CACNA2D3: variants seen among roughly 807,000 people sequenced by gnomAD.
CACNA2D3 encodes calcium voltage-gated channel auxiliary subunit alpha2delta 3.
Under a neutral mutation model 160.6 loss-of-function variants are expected in CACNA2D3, and 60 were observed. That is an observed-to-expected ratio of 0.37 (90% CI 0.30 to 0.46). The LOEUF (loss-of-function observed/expected upper bound fraction) is 0.46. Among genes scored for constraint, CACNA2D3 ranks in the 20% least tolerant of loss-of-function variants. CACNA2D3 has a pLI of 1.00. For synonymous variants in CACNA2D3, 558 were observed against 492.9 expected, an observed-to-expected ratio of 1.13 and a Z score of -1.75; for missense variants, 1,205 against 1,365.0, an observed-to-expected ratio of 0.88 and a Z score of 1.85.
chr3:54,992,410 T>G (rs1702761860), intron 31 of CACNA2D3, among the ~76,000 whole-genome samples: 1 of 152,176 alleles, frequency 6.6e-6, no homozygotes, highest in African/African-American at 2.4e-5. Context: ...GTGTGGGCAC[T>G]CAGCTTCCTT....
intron 2 of CACNA2D3, among the ~76,000 whole-genome samples, chr3:54,185,781 C>A (rs1251307217): frequency 6.6e-6 from 1 of 152,166 alleles, no homozygotes; most frequent in Non-Finnish European, 1.5e-5. Flanking sequence ...TTGGATTAGG[C>A]TTGCAGGTCA....
chr3:54,803,596 G>C (rs1703046097), intron 13 of CACNA2D3, among the ~76,000 whole-genome samples: 2 of 152,232 alleles, frequency 1.3e-5, no homozygotes, highest in South Asian at 2.1e-4. Context: ...ACCTGAAAGT[G>C]ATGTGGAGAA....
At chr3:54,576,262 G>A (rs1284646065) in intron 8 of CACNA2D3, among the ~76,000 whole-genome samples, 1 of 152,198 alleles carries the variant, frequency 6.6e-6, no homozygotes, top group African/African-American at 2.4e-5. Context: ...AGAGCCCAAA[G>A]TCAGTTGTCT....
intron 17 of CACNA2D3, among the ~76,000 whole-genome samples, chr3:54,859,976 A>G (rs200515730): frequency 0.067 from 5,093 of 76,370 alleles, 194 homozygotes; most frequent in Admixed American, 0.22. Context: ...GTAGATGCAC[A>G]CACACACACA....
At chr3:54,919,747 A>G (rs1347381799) in intron 27 of CACNA2D3, among the ~76,000 whole-genome samples, 2 of 152,230 alleles carry the variant, frequency 1.3e-5, no homozygotes, top group African/African-American at 4.8e-5. Flanking sequence ...AAAACATGCT[A>G]TTTGTATCCA....
At chr3:54,271,958 C>T (rs564004521) in intron 2 of CACNA2D3, among the ~76,000 whole-genome samples, 1 of 152,222 alleles carries the variant, frequency 6.6e-6, no homozygotes, top group Non-Finnish European at 1.5e-5. Flanking sequence ...GGCAATTCTT[C>T]AGGGAGTCGT....
At chr3:54,312,639 A>G (rs1703767139) in intron 2 of CACNA2D3, among the ~76,000 whole-genome samples, 2 of 152,196 alleles carry the variant, frequency 1.3e-5, no homozygotes, top group South Asian at 4.1e-4. Flanking sequence ...GGCAAAATAG[A>G]TGCTGCAGAA....
intron 5 of CACNA2D3, among the ~76,000 whole-genome samples, chr3:54,514,285 A>C (rs1701508227): frequency 1.3e-5 from 2 of 152,150 alleles, no homozygotes; most frequent in African/African-American, 2.4e-5. Context: ...AAATATGTCT[A>C]AGAGAAGTGA....
chr3:54,464,631 G>C (rs370902755), intron 4 of CACNA2D3, among the ~76,000 whole-genome samples: 1 of 152,206 alleles, frequency 6.6e-6, no homozygotes, highest in East Asian at 1.9e-4. Context: ...GTCGGAAAAG[G>C]GCAGTATTAG....
At chr3:54,223,900 C>G (rs530617659) in intron 2 of CACNA2D3, among the ~76,000 whole-genome samples, 1 of 151,568 alleles carries the variant, frequency 6.6e-6, no homozygotes, top group East Asian at 1.9e-4. Flanking sequence ...ATAAATTAAC[C>G]TTAGCTTACT....
intron 9 of CACNA2D3, among the ~76,000 whole-genome samples, chr3:54,611,761 T>C (rs943723698): frequency 6.6e-6 from 1 of 152,166 alleles, no homozygotes; most frequent in Non-Finnish European, 1.5e-5. Context: ...TTGAAAATTA[T>C]ATTCAGATTT....
At chr3:54,302,611 G>T (rs1171037552) in intron 2 of CACNA2D3, among the ~76,000 whole-genome samples, 1 of 152,128 alleles carries the variant, frequency 6.6e-6, no homozygotes, top group Non-Finnish European at 1.5e-5. Context: ...CCTCCTCATT[G>T]CCTGTGAATA....
At chr3:54,820,300 C>A (rs1703561415) in intron 14 of CACNA2D3, among the ~76,000 whole-genome samples, 1 of 152,146 alleles carries the variant, frequency 6.6e-6, no homozygotes, top group African/African-American at 2.4e-5. Flanking sequence ...AAAAATGTCC[C>A]ATTTGGGTGT....
intron 35 of CACNA2D3, among the ~76,000 whole-genome samples, chr3:55,057,379 T>G (rs932772100): frequency 2.0e-5 from 3 of 152,162 alleles, no homozygotes; most frequent in African/African-American, 7.2e-5. Context: ...CAGTATAAAT[T>G]GTCAGTTTAC....
At chr3:54,774,275 TAA>T (rs1229085015) in intron 13 of CACNA2D3, among the ~76,000 whole-genome samples, 3 of 152,146 alleles carry the variant, frequency 2.0e-5, no homozygotes, top group Non-Finnish European at 2.9e-5. Flanking sequence ...AAAAGAGGTT[TAA>T]TTGGCTCAGG....
intron 4 of CACNA2D3, among the ~76,000 whole-genome samples, chr3:54,456,509 ATTCT>A (rs1700399167): frequency 6.6e-6 from 1 of 151,830 alleles, no homozygotes; most frequent in Non-Finnish European, 1.5e-5. Context: ...CTGCAAACAG[ATTCT>A]TTTGAGAATT....
At chr3:54,754,657 A>T (rs1701938356) in intron 12 of CACNA2D3, among the ~76,000 whole-genome samples, 1 of 152,144 alleles carries the variant, frequency 6.6e-6, no homozygotes, top group African/African-American at 2.4e-5. Context: ...GACTCTAAGT[A>T]CTAATAAAGG....
rs568727336 is a variant in CACNA2D3 at position 54,555,154 on chromosome 3, G to A, written c.545-7646G>A. ...ACCTCCCAAAGTGTTGAGATTACAG[G>A]TGTGAGCCAGTGTGCCCAGCCAAGA... On this transcript the variant is annotated intron_variant, in intron 5 of 37. Coordinates refer to ENST00000474759, the MANE Select transcript of CACNA2D3 (RefSeq NM_018398.3). Among the ~76,000 whole-genome samples, 62 of 152,260 alleles carry A rather than the reference G, an allele frequency of 4.1e-4. No individual in the cohort carries two copies. The South Asian group carries it at 5.8e-3, about 14-fold the overall frequency.
At position 54,394,629 on chromosome 3, in the gene CACNA2D3, C is replaced by A. The variant is rs369935068; in HGVS notation, c.381+7855C>A. ...ATGATGGTTTCCATCCATGTCCCTA[C>A]AAAGGACATGAACTCATCATTTTTT... On this transcript the variant is annotated intron_variant, in intron 4 of 37. Transcript: ENST00000474759. 1.7e-5 allele frequency among the ~76,000 whole-genome samples: 2 copies of A among 114,340 alleles called. 1 individual carries two copies. The highest frequency in any genetic ancestry group is 7.0e-5 in the African/African-American group (2 of 28,742). 75.0% of individuals were successfully genotyped at this position (114,340 alleles called of 152,430 possible).
Sources: gnomAD v4.1 joint callset for allele counts (sites outside exome capture counted in the v4.1 genomes callset) on GRCh38, gnomAD v4.1.1 for gene constraint, MANE v1.5 for transcripts, NCBI Gene and HGNC (gene_info 2026-07-23, HGNC 2026-07-21) for gene names.